MLIP: variants seen among roughly 807,000 people sequenced by gnomAD.
The protein encoded by MLIP is muscular LMNA-interacting protein.
A neutral mutation model predicts 84.8 loss-of-function variants in MLIP; 79 were observed. That is an observed-to-expected ratio of 0.93 (90% CI 0.78 to 1.12). The LOEUF (loss-of-function observed/expected upper bound fraction) is 1.12. MLIP is among the 50% of genes most tolerant of loss of function. MLIP has a pLI of 0.00. For synonymous variants in MLIP, 504 were observed against 463.0 expected, an observed-to-expected ratio of 1.09 and a Z score of -1.14; for missense variants, 1,257 against 1,160.6, an observed-to-expected ratio of 1.08 and a Z score of -1.21.
intron 1 of MLIP, among the ~76,000 whole-genome samples, chr6:54,052,832 A>G (rs1256595673): frequency 2.6e-5 from 4 of 152,172 alleles, no homozygotes; most frequent in Non-Finnish European, 5.9e-5. Context: ...CTGAATCTCT[A>G]TTGGTTTCTA....
chr6:54,139,202 T>C (rs1235677475), intron 4 of MLIP, among the ~76,000 whole-genome samples: 1 of 152,038 alleles, frequency 6.6e-6, no homozygotes. Flanking sequence ...TTTTAATCAG[T>C]AGAAAAAAAT....
chr6:54,252,204 A>G (rs1466107443), intron 12 of MLIP, among the ~76,000 whole-genome samples: 2 of 109,170 alleles, frequency 1.8e-5, no homozygotes, highest in African/African-American at 7.9e-5. Flanking sequence ...ATATATTATA[A>G]CATATAATAT....
intron 1 of MLIP, among the ~76,000 whole-genome samples, chr6:54,113,021 A>G (rs1055201270): frequency 6.6e-6 from 1 of 152,196 alleles, no homozygotes; most frequent in African/African-American, 2.4e-5. Context: ...GTGTTTGAAG[A>G]AATAAATTTT....
chr6:54,087,208 C>T (rs959871611), intron 1 of MLIP, among the ~76,000 whole-genome samples: 36 of 152,282 alleles, frequency 2.4e-4, no homozygotes, highest in African/African-American at 8.4e-4. Flanking sequence ...AATATGGCAT[C>T]AAAGCCAAAA....
intron 12 of MLIP, among the ~76,000 whole-genome samples, chr6:54,250,406 A>C (rs147341873): frequency 6.6e-6 from 1 of 152,078 alleles, no homozygotes; most frequent in Non-Finnish European, 1.5e-5. Context: ...AGACACATGC[A>C]TGTGTATGAT....
At chr6:54,080,515 A>G (rs557505912) in intron 1 of MLIP, among the ~76,000 whole-genome samples, 40 of 152,016 alleles carry the variant, frequency 2.6e-4, no homozygotes, top group African/African-American at 8.9e-4. Flanking sequence ...TTTAATATCA[A>G]TGGACTAAGC....
rs1775563921 is a variant in MLIP, at chr6:54,169,584, T to C, written c.2544+12T>C. On this transcript the variant is annotated intron_variant, in intron 9 of 13. Coordinates refer to ENST00000502396, the MANE Select transcript of MLIP (RefSeq NM_001281747.2). ...GAGAAACCAAATATGTAAGTACCTT[T>C]ATAATTATACACACTGCTTTTCAAA... 6.3e-7 allele frequency: 1 copy of C among 1,576,344 alleles called. No individual in the cohort carries two copies. Among genetic ancestry groups the C allele is most frequent in the Non-Finnish European group, 8.6e-7 (1 of 1,157,474 alleles).
intron 1 of MLIP, among the ~76,000 whole-genome samples, chr6:54,118,165 C>T (rs149666170): frequency 0.015 from 2,254 of 152,278 alleles, 32 homozygotes; most frequent in Middle Eastern, 0.031. Context: ...AGAATTAAAA[C>T]ATAATAAAAT....
chr6:54,057,965 T>A (rs969167209), intron 1 of MLIP: 1 of 152,214 alleles, frequency 6.6e-6, no homozygotes, highest in Non-Finnish European at 1.5e-5. Flanking sequence ...ATACACCATG[T>A]TGACTTGCAT....
chr6:54,035,148 G>C (rs1000217795), intron 1 of MLIP, among the ~76,000 whole-genome samples: 5 of 152,046 alleles, frequency 3.3e-5, no homozygotes, highest in Non-Finnish European at 5.9e-5. Flanking sequence ...TACTCCATGA[G>C]GTTTACACAA....
intron 1 of MLIP, among the ~76,000 whole-genome samples, chr6:54,022,023 G>T (rs938579072): frequency 2.6e-5 from 4 of 152,174 alleles, no homozygotes; most frequent in African/African-American, 4.8e-5. Flanking sequence ...AAAGTATTTT[G>T]TAACAATATG....
chr6:54,255,946 T>A (rs1192501933), intron 12 of MLIP, among the ~76,000 whole-genome samples: 1 of 152,156 alleles, frequency 6.6e-6, no homozygotes, highest in African/African-American at 2.4e-5. Flanking sequence ...GGGTTTGAAG[T>A]TTGAAGCAGT....
At chr6:54,032,957 T>C (rs1220084152) in intron 1 of MLIP, among the ~76,000 whole-genome samples, 1 of 152,206 alleles carries the variant, frequency 6.6e-6, no homozygotes, top group Non-Finnish European at 1.5e-5. Context: ...TTACTCAGAT[T>C]GTATTGATGT....
chr6:54,221,166 T>C (rs1053474206), intron 11 of MLIP, among the ~76,000 whole-genome samples: 2 of 152,140 alleles, frequency 1.3e-5, no homozygotes, highest in African/African-American at 2.4e-5. Context: ...CCATGGAAAT[T>C]GCTGTGTAGC....
At chr6:54,132,252 T>G (rs1463151718) in intron 3 of MLIP, among the ~76,000 whole-genome samples, 1 of 152,192 alleles carries the variant, frequency 6.6e-6, no homozygotes, top group East Asian at 1.9e-4. Context: ...ATATTTATTA[T>G]CATGTTTTTA....
chr6:54,139,430 G>A (rs929269291), intron 4 of MLIP, among the ~76,000 whole-genome samples: 12 of 152,036 alleles, frequency 7.9e-5, no homozygotes, highest in Admixed American at 2.0e-4. Flanking sequence ...GAAGAGGAAA[G>A]AAGTTGGCAT....
chr6:54,229,862 C>T (rs1291133039), intron 11 of MLIP, among the ~76,000 whole-genome samples: 1 of 151,970 alleles, frequency 6.6e-6, no homozygotes. Context: ...AAGTAAGATA[C>T]ATATTTGTAT....
In MLIP at chr6:54,042,738, C is replaced by T. The variant is rs535464853; in HGVS notation, c.63+23647C>T. Among the ~76,000 whole-genome samples the T allele has an allele frequency of 2.6e-4, 39 of 152,264 alleles. 1 individual carries two copies. The South Asian group carries it at 7.0e-3, about 28-fold the overall frequency. On this transcript the variant is annotated intron_variant, in intron 1 of 12. Coordinates refer to the MLIP transcript ENST00000274897. The stretch of plus-strand genomic sequence containing the variant: ...ACCAGGGACAATATACCTAATCTCT[C>T]CCTCAGTTTCCACATGTGTAAATTA...
chr6:54,157,006 C>T (rs1774098617), intron 5 of MLIP, among the ~76,000 whole-genome samples: 1 of 152,022 alleles, frequency 6.6e-6, no homozygotes, highest in Admixed American at 6.6e-5. Context: ...AATAGGAATT[C>T]TGTAAGTGAA....
Sources: gnomAD v4.1 joint callset for allele counts (sites outside exome capture counted in the v4.1 genomes callset) on GRCh38, gnomAD v4.1.1 for gene constraint, MANE v1.5 for transcripts, NCBI Gene and HGNC (gene_info 2026-07-23, HGNC 2026-07-21) for gene names.